The following ELOF1 variants were observed in gnomAD, a reference collection of about 807,000 sequenced individuals.
The protein encoded by ELOF1 is elongation factor 1, also known as transcription elongation factor 1 homolog.
In ELOF1, 4 loss-of-function variants were observed where a neutral mutation model predicts 7.1. That is an observed-to-expected ratio of 0.56 (90% CI 0.28 to 1.29). ELOF1 has a LOEUF of 1.29. ELOF1 is among the 50% of genes most tolerant of loss of function. ELOF1 has a pLI of 0.10. For synonymous variants in ELOF1, 31 were observed against 31.9 expected (o/e 0.97, Z 0.09); for missense variants, 59 against 86.3 (o/e 0.68, Z 1.25).
At chr19:11,553,591 ACACAC>A (rs1972770180) in intron 3 of ELOF1, 1 of 262,096 alleles carries the variant, frequency 3.8e-6, no homozygotes, top group Non-Finnish European at 6.2e-6. Flanking sequence ...CTACACACAC[ACACAC>A]ACACACACAC....
At chr19:11,556,345 G>A (rs1477476853) in intron 1 of ELOF1, among the ~76,000 whole-genome samples, 3 of 151,688 alleles carry the variant, frequency 2.0e-5, no homozygotes, top group Admixed American at 2.0e-4. Flanking sequence ...TGCCGCCCAG[G>A]CTGGAGTGCA....
intron 1 of ELOF1, chr19:11,555,255 TCAAA>T: frequency 2.4e-5 from 1 of 41,556 alleles, no homozygotes; most frequent in Non-Finnish European, 4.3e-5. Flanking sequence ...AGACTCCGTC[TCAAA>T]AAAAAAAAAA....
chr19:11,555,534 G>C (rs1316457416), intron 1 of ELOF1: 1 of 152,344 alleles, frequency 6.6e-6, no homozygotes, highest in Non-Finnish European at 1.5e-5. Context: ...TCCAGGAGGA[G>C]TGACACTCAG....
intron 3 of ELOF1, chr19:11,553,324 G>A (rs773466266): frequency 4.5e-6 from 2 of 444,124 alleles, no homozygotes; most frequent in Middle Eastern, 5.9e-4. Context: ...AGCCTCTAGT[G>A]GGCTTCCCTT....
At chr19:11,553,598 CA>C in intron 3 of ELOF1, 1 of 535,844 alleles carries the variant, frequency 1.9e-6, no homozygotes, top group Middle Eastern at 5.1e-4. Context: ...CACACACACA[CA>C]CACACACACA....
intron 1 of ELOF1, chr19:11,554,952 T>TA (rs74180029): frequency 7.0e-3 from 682 of 97,084 alleles, no homozygotes; most frequent in South Asian, 0.012. Flanking sequence ...AAACCCTGCA[T>TA]AAAAAAAAAA....
intron 3 of ELOF1, chr19:11,553,237 G>A (rs1972755575): frequency 5.0e-6 from 2 of 399,248 alleles, no homozygotes; most frequent in Admixed American, 4.3e-5. Flanking sequence ...ACGGGCACTA[G>A]AAGGTGGAGA....
In ELOF1 at chr19:11,554,448, G is replaced by A. The variant is rs1972797229; in HGVS notation, c.-18-83C>T. On this transcript the variant is annotated intron_variant, in intron 1 of 3. Coordinates refer to ENST00000586683, the Ensembl canonical transcript of ELOF1. ...TGCTCTAGAAAGCAGGCCGGAAAGA[G>A]GGTCTGGGACTTGCACCGTGGTCCC... 6 of 1,537,280 alleles carry A rather than the reference G, an allele frequency of 3.9e-6. No individual in the cohort carries two copies. In the African/African-American group the frequency reaches 4.1e-5, roughly 11 times the overall value.
chr19:11,553,458 C>G lies in ELOF1; in HGVS notation c.188-403G>C. 5 of 580,412 alleles carry G rather than the reference C, an allele frequency of 8.6e-6. No homozygotes were observed. The East Asian group carries it at 1.4e-4, about 17-fold the overall frequency. The allele number at this position is 580,412 out of a possible 1,614,324, so 36.0% of individuals were successfully genotyped here. On this transcript the variant is annotated intron_variant, in intron 3 of 3. Transcript: ENST00000586683. ...CGGAGCCAAGTGAGATCAGTTCAGG[C>G]CCCTCAGGCCCAGGAACCCGACACC... is the stretch of plus-strand genomic sequence containing the variant.
At chr19:11,558,535 A>G (rs917863032) in intron 1 of ELOF1, among the ~76,000 whole-genome samples, 2 of 151,500 alleles carry the variant, frequency 1.3e-5, no homozygotes, top group Admixed American at 6.6e-5. Flanking sequence ...TGAAGCCAGG[A>G]GTTCCAGACC....
At chr19:11,553,891 GCAC>G in intron 3 of ELOF1, 81 bp from the exon 4 acceptor site, 1 of 1,609,714 alleles carries the variant, frequency 6.2e-7, no homozygotes, top group Non-Finnish European at 8.5e-7. Flanking sequence ...TCACTAGGTG[GCAC>G]CTGTTCCTCT....
chr19:11,557,586 A>AAGCCCATGAGTTTAATTGTTGGATCCTCT (rs1267347470), intron 1 of ELOF1, among the ~76,000 whole-genome samples: 2 of 126,144 alleles, frequency 1.6e-5, no homozygotes, highest in African/African-American at 3.7e-5. Context: ...ACAGAGCAAA[A>AAGCCCATGAGTTTAATTGTTGGATCCTCT]CTTCATCTAA....
rs767073757 is a variant in ELOF1 at position 11,553,767 on chromosome 19, G to A, written c.187+244C>T. On this transcript the variant is annotated intron_variant, in intron 3 of 3. Coordinates refer to ENST00000586683, the Ensembl canonical transcript of ELOF1. ...GTCGCTACTGATTGGCCGCCTCGCA[G>A]GCGTCTATCCAATCACTGTACACAT... is the stretch of plus-strand genomic sequence containing the variant. 6 of 1,614,140 alleles carry A rather than the reference G, an allele frequency of 3.7e-6. 1 individual carries two copies. The South Asian group carries it at 5.5e-5, about 15-fold the overall frequency.
rs1031128223 is a variant in ELOF1 at position 11,555,649 on chromosome 19, G to A, written c.-18-1284C>T. The A allele has an allele frequency of 7.5e-4, 114 of 152,918 alleles. 1 individual carries two copies. The highest frequency in any genetic ancestry group is 5.8e-4 in the East Asian group (3 of 5,188). The allele number at this position is 152,918 out of a possible 1,614,324, so 9.5% of individuals were successfully genotyped here. A position where few individuals can be genotyped will look rare whatever the true frequency, so the allele number is the denominator to read the frequency against. ...GTGTGAAGGCTCAGGGCAGCTGTCC[G>A]TCCCCTGGCAGGTGAGGGAGAGAGG... is the stretch of plus-strand genomic sequence containing the variant. On this transcript the variant is annotated intron_variant, in intron 1 of 3. Transcript: ENST00000586683.
chr19:11,558,693 C>T (rs780426215), intron 1 of ELOF1, among the ~76,000 whole-genome samples: 8 of 150,844 alleles, frequency 5.3e-5, no homozygotes, highest in Non-Finnish European at 7.4e-5. Context: ...CGCCACTGCA[C>T]TCCAGCCTCG....
At chr19:11,554,418 CTCAATGCTCTAGAA>C (rs1303084950) in intron 1 of ELOF1, 53 bp from the exon 2 acceptor site, 10 of 1,584,484 alleles carry the variant, frequency 6.3e-6, no homozygotes, top group Non-Finnish European at 8.6e-6. Flanking sequence ...AGCGCCCCAG[CTCAATGCTCTAGAA>C]AGCAGGCCGG....
chr19:11,556,709 T>C (rs1439967635), intron 1 of ELOF1, among the ~76,000 whole-genome samples: 3 of 151,830 alleles, frequency 2.0e-5, no homozygotes, highest in African/African-American at 4.8e-5. Flanking sequence ...CCTCTTTATT[T>C]ATCTAAGAGA....
chr19:11,553,581 CTACACACACACA>C, intron 3 of ELOF1: 2 of 677,086 alleles, frequency 3.0e-6, no homozygotes, highest in Non-Finnish European at 4.8e-6. Context: ...CGCACACCCA[CTACACACACACA>C]CACACACACA....
intron 3 of ELOF1, 75 bp downstream of exon 3, chr19:11,553,936 G>A (rs773358169): frequency 4.3e-6 from 7 of 1,610,954 alleles, no homozygotes; most frequent in Non-Finnish European, 5.9e-6. Context: ...AGGGCACACA[G>A]TGGGCCAGAT....
Sources: gnomAD v4.1 joint callset for allele counts (sites outside exome capture counted in the v4.1 genomes callset) on GRCh38, gnomAD v4.1.1 for gene constraint, MANE v1.5 for transcripts, NCBI Gene and HGNC (gene_info 2026-07-23, HGNC 2026-07-21) for gene names.